Variants in FOXP2 observed in about 807,000 individuals in gnomAD.
FOXP2 encodes the protein forkhead box protein P2.
A neutral mutation model predicts 115.8 loss-of-function variants in FOXP2; 12 were observed. The observed-to-expected ratio is 0.10, with a 90% confidence interval of 0.07 to 0.17. FOXP2 has a LOEUF of 0.17. Among genes scored for constraint, FOXP2 ranks in the 10% least tolerant of loss-of-function variants. The pLI is 1.00. For missense variants in FOXP2, 629 were observed against 843.5 expected, an observed-to-expected ratio of 0.75 and a Z score of 3.15; for synonymous variants, 328 against 297.7, an observed-to-expected ratio of 1.10 and a Z score of -1.05.
intron 1 of FOXP2, among the ~76,000 whole-genome samples, chr7:114,244,931 T>C (rs1795242598): frequency 6.6e-6 from 1 of 151,988 alleles, no homozygotes; most frequent in African/African-American, 2.4e-5. Context: ...CCGGCTAATT[T>C]TTTTGTATTT....
chr7:114,546,268 T>G (rs1799919741), intron 3 of FOXP2, among the ~76,000 whole-genome samples: 1 of 152,180 alleles, frequency 6.6e-6, no homozygotes, highest in Non-Finnish European at 1.5e-5. Flanking sequence ...ACTCCAGCCA[T>G]TAAGCCCTTC....
chr7:114,378,811 G>T (rs1456812003), intron 2 of FOXP2, among the ~76,000 whole-genome samples: 2 of 149,058 alleles, frequency 1.3e-5, no homozygotes, highest in Non-Finnish European at 3.0e-5. Flanking sequence ...TTAAGGCACT[G>T]CTTGTTGCTT....
chr7:114,244,832 G>T (rs1222087815), intron 1 of FOXP2, among the ~76,000 whole-genome samples: 1 of 151,888 alleles, frequency 6.6e-6, no homozygotes, highest in African/African-American at 2.4e-5. Flanking sequence ...CGCAATCTCG[G>T]CTCACTGCAA....
At chr7:114,439,784 G>C (rs1794519929) in intron 2 of FOXP2, among the ~76,000 whole-genome samples, 1 of 151,974 alleles carries the variant, frequency 6.6e-6, no homozygotes, top group African/African-American at 2.4e-5. Flanking sequence ...ATGTTGCCCA[G>C]ACTGGTCTTG....
At chr7:114,173,254 ACTAT>A (rs2129153337) in intron 1 of FOXP2, among the ~76,000 whole-genome samples, 1 of 152,090 alleles carries the variant, frequency 6.6e-6, no homozygotes, top group East Asian at 1.9e-4. Flanking sequence ...AATGAAAAAG[ACTAT>A]CTTCGTATTC....
At chr7:114,514,479 G>T (rs1440367024) in intron 2 of FOXP2, among the ~76,000 whole-genome samples, 2 of 151,690 alleles carry the variant, frequency 1.3e-5, no homozygotes, top group Non-Finnish European at 2.9e-5. Context: ...AACGTTTTTG[G>T]TTTCACATAC....
intron 3 of FOXP2, among the ~76,000 whole-genome samples, chr7:114,590,113 C>T (rs992889086): frequency 2.0e-5 from 3 of 152,058 alleles, no homozygotes; most frequent in Non-Finnish European, 2.9e-5. Context: ...TGCCACATTC[C>T]CCTACCTAAC....
intron 1 of FOXP2, among the ~76,000 whole-genome samples, chr7:114,124,465 G>A (rs1009248243): frequency 2.6e-5 from 4 of 151,950 alleles, no homozygotes; most frequent in Admixed American, 1.3e-4. Context: ...GGTATTTCTT[G>A]TACTATCTGG....
At chr7:114,676,631 A>T (rs1054481617) in intron 16 of FOXP2, among the ~76,000 whole-genome samples, 1 of 152,168 alleles carries the variant, frequency 6.6e-6, no homozygotes, top group Admixed American at 6.5e-5. Flanking sequence ...ACAGGTGACA[A>T]GGCTAATCAT....
intron 1 of FOXP2, among the ~76,000 whole-genome samples, chr7:114,283,258 G>A (rs1271282347): frequency 1.3e-5 from 2 of 152,096 alleles, no homozygotes; most frequent in Non-Finnish European, 2.9e-5. Flanking sequence ...AGGAAACCAT[G>A]TGCTATACAA....
intron 3 of FOXP2, among the ~76,000 whole-genome samples, chr7:114,607,039 G>C (rs1430258055): frequency 1.3e-5 from 2 of 152,068 alleles, no homozygotes; most frequent in Admixed American, 1.3e-4. Context: ...TAACATCTGT[G>C]CCATATTGTT....
intron 2 of FOXP2, among the ~76,000 whole-genome samples, chr7:114,517,752 G>A (rs1798416096): frequency 6.6e-6 from 1 of 152,136 alleles, no homozygotes; most frequent in African/African-American, 2.4e-5. Flanking sequence ...TTGAAAAGCA[G>A]ACAGTTGTGA....
At chr7:114,547,565 G>A (rs575709427) in intron 3 of FOXP2, among the ~76,000 whole-genome samples, 10 of 152,220 alleles carry the variant, frequency 6.6e-5, no homozygotes, top group African/African-American at 2.4e-4. Context: ...AGACCATCCT[G>A]AATAACACGG....
intron 16 of FOXP2, among the ~76,000 whole-genome samples, chr7:114,685,402 A>G (rs1435935422): frequency 6.6e-6 from 1 of 152,154 alleles, no homozygotes; most frequent in Non-Finnish European, 1.5e-5. Flanking sequence ...AAACTATGAT[A>G]GTTTTCCTTA....
intron 3 of FOXP2, among the ~76,000 whole-genome samples, chr7:114,556,975 T>A (rs568029542): frequency 6.6e-6 from 1 of 152,356 alleles, no homozygotes; most frequent in East Asian, 1.9e-4. Context: ...GTTACTATGC[T>A]GTTTTATTCT....
At chr7:114,316,754 G>T (rs1331019232) in intron 2 of FOXP2, among the ~76,000 whole-genome samples, 1 of 152,042 alleles carries the variant, frequency 6.6e-6, no homozygotes, top group Non-Finnish European at 1.5e-5. Context: ...AGGAGATGAG[G>T]TCAGAAAGTT....
At chr7:114,297,359 C>A in intron 2 of FOXP2, 1 of 708,744 alleles carries the variant, frequency 1.4e-6, no homozygotes, top group Non-Finnish European at 2.4e-6. Context: ...TGTGCCTGGG[C>A]TTGCTCACGT....
intron 1 of FOXP2, among the ~76,000 whole-genome samples, chr7:114,258,366 G>A (rs1218440548): frequency 1.3e-5 from 2 of 152,182 alleles, no homozygotes; most frequent in East Asian, 3.9e-4. Context: ...AGGAAGAGAT[G>A]GTTAGGAGTT....
intron 3 of FOXP2, chr7:114,613,992 G>A (rs992238258): frequency 2.0e-5 from 3 of 152,088 alleles, no homozygotes; most frequent in Non-Finnish European, 2.9e-5. Flanking sequence ...CATCTGGGAT[G>A]TTTCTAATGT....
Sources: allele counts gnomAD v4.1 joint callset (sites outside exome capture counted in the v4.1 genomes callset), GRCh38; gene constraint gnomAD v4.1.1; transcripts MANE v1.5; gene names NCBI Gene and HGNC (gene_info 2026-07-23, HGNC 2026-07-21).